Variants in ERH observed in about 807,000 individuals in gnomAD.
ERH encodes enhancer of rudimentary homolog.
ERH carries 1 observed loss-of-function variant against 16.8 expected under a neutral mutation model. That is an observed-to-expected ratio of 0.06 (90% CI 0.02 to 0.28). The LOEUF (loss-of-function observed/expected upper bound fraction) is 0.28, where lower values mean the gene tolerates loss of function less well. Ranked by LOEUF, ERH falls within the 10% of genes least tolerant of loss-of-function variation. The probability of loss-of-function intolerance (pLI) is 1.00; values close to 1 mark genes in which losing one functional copy is unlikely to be tolerated. For missense variants in ERH, 42 were observed against 127.5 expected (o/e 0.33, Z 3.23); for synonymous variants, 43 against 43.6 (o/e 0.99, Z 0.05).
At chr14:69,383,636 G>A (rs928799697) in intron 3 of ERH, among the ~76,000 whole-genome samples, 8 of 152,120 alleles carry the variant, frequency 5.3e-5, no homozygotes, top group African/African-American at 1.9e-4. Context: ...AATAGTTACA[G>A]GTTTTCAAGC....
At chr14:69,391,214 A>C (rs760643191) in intron 2 of ERH, among the ~76,000 whole-genome samples, 34 of 152,382 alleles carry the variant, frequency 2.2e-4, no homozygotes, top group Non-Finnish European at 4.7e-4. Context: ...TTGCCAAAAA[A>C]TAGAAGCAAC....
At chr14:69,395,725 A>G (rs781536023) in intron 1 of ERH, among the ~76,000 whole-genome samples, 1 of 152,250 alleles carries the variant, frequency 6.6e-6, no homozygotes, top group African/African-American at 2.4e-5. Flanking sequence ...TAAATTAGCA[A>G]TATAAACATA....
At chr14:69,387,325 G>A (rs995962178) in intron 2 of ERH, among the ~76,000 whole-genome samples, 3 of 152,306 alleles carry the variant, frequency 2.0e-5, no homozygotes, top group East Asian at 3.9e-4. Context: ...GGGAGGCTGA[G>A]GCAGGAGCAT....
chr14:69,386,980 T>C lies in ERH; in HGVS notation c.195A>G (p.Ala65=), dbSNP rs139950170. The change falls in exon 3 of 4, where the codon GCA becomes GCG. Residue 65 remains alanine, a synonymous_variant. Transcript: ENST00000557016. ...ATACTTACACCAGGCAGCTGAGGTC[T>C]GCCAGATCATCGATGAAATCAAACA... The part of the protein sequence containing the change: ...SQLFDFIDDL[A]DLSCLVYRAD... 4.6e-5 allele frequency: 75 copies of C among 1,613,578 alleles called. No individual in the cohort carries two copies. Among genetic ancestry groups the C allele is most frequent in the Non-Finnish European group, 6.2e-5 (73 of 1,179,906 alleles).
chr14:69,380,668 T>A, intron 3 of ERH, 28 bp from the exon 4 acceptor site: 1 of 1,325,726 alleles, frequency 7.5e-7, no homozygotes, highest in South Asian at 1.2e-5. Context: ...ATAAGCAAAG[T>A]CACAGTGGTC....
chr14:69,387,829 G>C (rs2045901436), intron 2 of ERH, among the ~76,000 whole-genome samples: 1 of 152,156 alleles, frequency 6.6e-6, no homozygotes, highest in African/African-American at 2.4e-5. Context: ...CGGATCACGA[G>C]GTCAGGAGAT....
chr14:69,398,086 G>T, intron 1 of ERH, 145 bp downstream of exon 1: 1 of 1,067,282 alleles, frequency 9.4e-7, no homozygotes, highest in Non-Finnish European at 1.4e-6. Context: ...CCTGCGGCGG[G>T]AAGAAGGGTC....
chr14:69,384,238 C>T (rs929913434), intron 3 of ERH, among the ~76,000 whole-genome samples: 3 of 152,194 alleles, frequency 2.0e-5, no homozygotes, highest in Non-Finnish European at 4.4e-5. Context: ...AAAACTCTAT[C>T]CTGACTTCTT....
At chr14:69,394,611 T>C (rs78490086) in intron 2 of ERH, among the ~76,000 whole-genome samples, 10 of 151,728 alleles carry the variant, frequency 6.6e-5, no homozygotes, top group East Asian at 1.9e-4. Context: ...AATACATAAA[T>C]AAACAAACAA....
chr14:69,380,568 A>ACAATGT lies in ERH; in HGVS notation c.284_285insACATTG (p.Leu95_Arg96insHisCys). The ACAATGT allele has an allele frequency of 6.2e-7, 1 of 1,605,438 alleles. No homozygotes were observed. The highest frequency in any genetic ancestry group is 1.1e-5 in the South Asian group (1 of 90,830). On this transcript the variant is annotated inframe_insertion, in exon 4 of 4. Coordinates refer to ENST00000557016, the MANE Select transcript of ERH (RefSeq NM_004450.3). The stretch of plus-strand genomic sequence containing the variant: ...TCCCAGCCTGTTGGGCCTGCCGACG[A>ACAATGT]AGGAGCACGTAGATCTTCTCTTTAA...
At chr14:69,397,956 G>A (rs932646858) in intron 1 of ERH, 1 of 588,386 alleles carries the variant, frequency 1.7e-6, no homozygotes, top group African/African-American at 1.9e-5. Context: ...TCCCTCTACC[G>A]AGTAACAATC....
At chr14:69,398,155 G>C in intron 1 of ERH, 76 bp downstream of exon 1, 1 of 1,572,354 alleles carries the variant, frequency 6.4e-7, no homozygotes. Flanking sequence ...CTCGTGGGGA[G>C]GGGAAAACGT....
intron 3 of ERH, among the ~76,000 whole-genome samples, chr14:69,384,418 C>T (rs1489352903): frequency 1.3e-5 from 2 of 152,166 alleles, no homozygotes; most frequent in Non-Finnish European, 2.9e-5. Flanking sequence ...AAATGGTAGA[C>T]CCAGGATTCA....
chr14:69,394,797 T>C, intron 2 of ERH, 28 bp downstream of exon 2: 1 of 1,547,414 alleles, frequency 6.5e-7, no homozygotes, highest in Non-Finnish European at 8.8e-7. Context: ...GAGACATTTT[T>C]CTACCCCTTG....
chr14:69,394,999 A>C, intron 1 of ERH, 87 bp from the exon 2 acceptor site: 3 of 889,612 alleles, frequency 3.4e-6, no homozygotes, highest in Non-Finnish European at 5.4e-6. Context: ...GTAATGCAAT[A>C]ATGATTGCTA....
intron 1 of ERH, among the ~76,000 whole-genome samples, chr14:69,396,202 T>C (rs1882329994): frequency 6.6e-6 from 1 of 152,240 alleles, no homozygotes; most frequent in Non-Finnish European, 1.5e-5. Context: ...TGTACTAGTA[T>C]TTTTCAGCCA....
intron 3 of ERH, among the ~76,000 whole-genome samples, chr14:69,384,276 A>G (rs921201801): frequency 3.3e-5 from 5 of 152,250 alleles, no homozygotes; most frequent in African/African-American, 4.8e-5. Context: ...GAGTTGCTGC[A>G]TATCTAATAA....
At chr14:69,387,968 C>T (rs751650025) in intron 2 of ERH, among the ~76,000 whole-genome samples, 2 of 152,158 alleles carry the variant, frequency 1.3e-5, no homozygotes, top group Non-Finnish European at 2.9e-5. Context: ...ATGGCATGAA[C>T]CTGGGAGGTG....
At chr14:69,389,713 T>C (rs2045913691) in intron 2 of ERH, among the ~76,000 whole-genome samples, 1 of 152,070 alleles carries the variant, frequency 6.6e-6, no homozygotes, top group African/African-American at 2.4e-5. Context: ...TTCTTAGAAA[T>C]AAACGAAACA....
Sources: gnomAD v4.1 joint callset for allele counts (sites outside exome capture counted in the v4.1 genomes callset) on GRCh38, gnomAD v4.1.1 for gene constraint, MANE v1.5 for transcripts, NCBI Gene and HGNC (gene_info 2026-07-23, HGNC 2026-07-21) for gene names.